HEPACAM2: variants seen among roughly 807,000 people sequenced by gnomAD.
HEPACAM2 encodes HEPACAM family member 2.
HEPACAM2 carries 49 observed loss-of-function variants against 49.6 expected under a neutral mutation model. That is an observed-to-expected ratio of 0.99 (90% CI 0.78 to 1.25). The LOEUF is 1.25. Ranked by LOEUF, HEPACAM2 falls within the 50% of genes most tolerant of loss-of-function variation. HEPACAM2 has a pLI of 0.00. For synonymous variants in HEPACAM2, 197 were observed against 202.9 expected (o/e 0.97, Z 0.25); for missense variants, 525 against 557.2 (o/e 0.94, Z 0.58).
At chr7:93,227,461 G>A (rs186623670), upstream of HEPACAM2, among the ~76,000 whole-genome samples, 377 of 152,186 alleles carry the variant, frequency 2.5e-3, 2 homozygotes, top group African/African-American at 8.6e-3. Flanking sequence ...AATGATAAGA[G>A]GGGAAGGAAG....
At chr7:93,229,165 TTGTTGTAA>T (rs1470910073), upstream of HEPACAM2, among the ~76,000 whole-genome samples, 1 of 152,200 alleles carries the variant, frequency 6.6e-6, no homozygotes, top group East Asian at 1.9e-4. Context: ...ATGTTTCTTA[TTGTTGTAA>T]TTAGTGGATT....
At position 93,201,577 on chromosome 7, in the gene HEPACAM2, C is replaced by A. The variant is rs371853890; in HGVS notation, c.1013-3967G>T. On this transcript the variant is annotated intron_variant, in intron 4 of 9. Coordinates refer to ENST00000394468, the MANE Select transcript of HEPACAM2 (RefSeq NM_001039372.4). ...TAGTTTCATATTACAGTTGGGAAAT[C>A]TAAGACTCCAGGACTCAAATTTGAA... Among the ~76,000 whole-genome samples the A allele has an allele frequency of 2.0e-5, 3 of 151,996 alleles. No individual in the cohort carries two copies. The East Asian group carries it at 5.8e-4, about 29-fold the overall frequency.
At chr7:93,216,561 A>C (rs1451405482) in intron 2 of HEPACAM2, among the ~76,000 whole-genome samples, 1 of 152,244 alleles carries the variant, frequency 6.6e-6, no homozygotes, top group African/African-American at 2.4e-5. Flanking sequence ...AGCATGGTAG[A>C]ATTATATAAG....
At chr7:93,214,431 A>G (rs898822881) in intron 3 of HEPACAM2, among the ~76,000 whole-genome samples, 2 of 152,150 alleles carry the variant, frequency 1.3e-5, no homozygotes, top group Middle Eastern at 3.2e-3. Flanking sequence ...AATTGTCTAA[A>G]TGTTCTTCTT....
chr7:93,214,588 AT>A, intron 3 of HEPACAM2, among the ~76,000 whole-genome samples: 1 of 152,290 alleles, frequency 6.6e-6, no homozygotes, highest in Non-Finnish European at 1.5e-5. Context: ...AAATTGGGGT[AT>A]TCTCATTCTT....
chr7:93,191,357 G>A (rs1199163498), intron 9 of HEPACAM2, among the ~76,000 whole-genome samples: 1 of 151,968 alleles, frequency 6.6e-6, no homozygotes, highest in Admixed American at 6.6e-5. Context: ...CCAGCACTAG[G>A]TTTCCTCACC....
chr7:93,218,063 A>T (rs1170415666), intron 2 of HEPACAM2, among the ~76,000 whole-genome samples: 2 of 152,108 alleles, frequency 1.3e-5, no homozygotes, highest in Non-Finnish European at 2.9e-5. Context: ...GCAAGTACAA[A>T]GGCCCTGAGG....
intron 1 of HEPACAM2, among the ~76,000 whole-genome samples, chr7:93,225,113 A>T (rs1794515715): frequency 6.6e-6 from 1 of 152,126 alleles, no homozygotes; most frequent in African/African-American, 2.4e-5. Flanking sequence ...ATTGTCTCTA[A>T]GTTCTTCTTA....
intron 3 of HEPACAM2, among the ~76,000 whole-genome samples, chr7:93,214,889 CATTT>C (rs886715057): frequency 2.6e-5 from 4 of 152,236 alleles, no homozygotes; most frequent in African/African-American, 9.6e-5. Flanking sequence ...AGGACTTTTT[CATTT>C]AAACCTATGG....
At chr7:93,208,386 C>T (rs1794082868) in intron 4 of HEPACAM2, among the ~76,000 whole-genome samples, 194 bp downstream of exon 4, 1 of 151,960 alleles carries the variant, frequency 6.6e-6, no homozygotes, top group South Asian at 2.1e-4. Context: ...GAATTTCTCC[C>T]CTATTTCATT....
chr7:93,219,451 C>A lies in HEPACAM2; in HGVS notation c.80G>T (p.Gly27Val), dbSNP rs1170536762. ...TGTCACCTTCAGCCCCGAGCAAGCA[C>A]CTGTTGCAAAGGAAAGGAAAGTTGT... Reference protein sequence around the residue: ...FQCKIYLLLFGACSGLKVTVP... With the variant: ...FQCKIYLLLFVACSGLKVTVP... Residue 27 changes from glycine (G) to valine (V), a missense_variant and splice_region_variant, in exon 2 of 10, where the codon GGT (glycine) becomes GTT (valine). Physicochemically the swap from Gly to Val is moderately radical, Grantham distance 109. Coordinates refer to ENST00000394468, the MANE Select transcript of HEPACAM2 (RefSeq NM_001039372.4). The A allele has an allele frequency of 6.2e-7, 1 of 1,613,800 alleles. No individual in the cohort carries two copies. The highest frequency in any genetic ancestry group is 8.5e-7 in the Non-Finnish European group (1 of 1,179,928).
Position 93,215,094 on chromosome 7 carries a change from T to A in HEPACAM2, c.715+307A>T, listed in dbSNP as rs1330034496. On this transcript the variant is annotated intron_variant, in intron 3 of 9. Transcript: ENST00000394468. ...TTTTTTCATTGCAGCCTCTGCATTGTTCTGGGTTCTTGAAATTGAGAATCT... is the reference window on the plus strand; with the variant it reads ...TTTTTTCATTGCAGCCTCTGCATTGATCTGGGTTCTTGAAATTGAGAATCT... 3.3e-5 allele frequency among the ~76,000 whole-genome samples: 5 copies of A among 152,304 alleles called. No homozygotes were observed. In the East Asian group the frequency reaches 9.6e-4, roughly 29 times the overall value.
chr7:93,227,631 ATCAG>A (rs1794563354), upstream of HEPACAM2, among the ~76,000 whole-genome samples: 1 of 152,196 alleles, frequency 6.6e-6, no homozygotes, highest in African/African-American at 2.4e-5. Flanking sequence ...CTCTTCAGAG[ATCAG>A]TCACTTTCAG....
intron 4 of HEPACAM2, among the ~76,000 whole-genome samples, chr7:93,205,954 C>A (rs970640174): frequency 1.3e-5 from 2 of 152,016 alleles, no homozygotes; most frequent in African/African-American, 2.4e-5. Flanking sequence ...TTGTACAGGT[C>A]AAACAGGTTT....
upstream of HEPACAM2, among the ~76,000 whole-genome samples, chr7:93,227,339 G>A (rs181225810): frequency 6.6e-4 from 101 of 152,248 alleles, no homozygotes; most frequent in Admixed American, 3.7e-3. Context: ...TCTGGTTCTA[G>A]CCTTGTTATA....
intron 4 of HEPACAM2, among the ~76,000 whole-genome samples, chr7:93,207,990 C>T (rs559154886): frequency 5.1e-4 from 77 of 152,000 alleles, no homozygotes; most frequent in Non-Finnish European, 1.0e-3. Context: ...GGCCGTAATT[C>T]TTAATCTTTG....
chr7:93,219,877 C>G (rs1197709827), intron 1 of HEPACAM2, among the ~76,000 whole-genome samples: 3 of 152,200 alleles, frequency 2.0e-5, no homozygotes, highest in African/African-American at 7.2e-5. Context: ...AACAGTTTCC[C>G]TTAAAGCTGT....
At chr7:93,225,831 A>C (rs185386822) in intron 1 of HEPACAM2, 265 of 793,208 alleles carry the variant, frequency 3.3e-4, no homozygotes, top group Non-Finnish European at 1.5e-5. Flanking sequence ...AATCTTTTCA[A>C]ATACGTTCTC....
upstream of HEPACAM2, among the ~76,000 whole-genome samples, chr7:93,227,003 T>C (rs1794552702): frequency 6.6e-6 from 1 of 152,242 alleles, no homozygotes; most frequent in African/African-American, 2.4e-5. Context: ...ATGCAGTGTT[T>C]CCTATTACAA....
Sources: allele counts gnomAD v4.1 joint callset (sites outside exome capture counted in the v4.1 genomes callset), GRCh38; gene constraint gnomAD v4.1.1; transcripts MANE v1.5; gene names NCBI Gene and HGNC (gene_info 2026-07-23, HGNC 2026-07-21).